Variants in HACD2 observed in about 807,000 individuals in gnomAD.
HACD2 encodes very-long-chain (3R)-3-hydroxyacyl-CoA dehydratase 2.
A neutral mutation model predicts 31.0 loss-of-function variants in HACD2; 15 were observed. The observed-to-expected ratio is 0.48, with a 90% CI of 0.32 to 0.75. The LOEUF is 0.75. Ranked by LOEUF, HACD2 falls within the 30% of genes least tolerant of loss-of-function variation. The pLI is 0.03. For synonymous variants in HACD2, 115 were observed against 122.2 expected (o/e 0.94, Z 0.39); for missense variants, 283 against 313.0 (o/e 0.90, Z 0.72).
intron 4 of HACD2, among the ~76,000 whole-genome samples, chr3:123,506,447 C>G (rs58340533): frequency 0.098 from 14,987 of 152,158 alleles, 1,049 homozygotes; most frequent in African/African-American, 0.21. Flanking sequence ...GGGTCTTGTT[C>G]TGTTACCCAG....
At chr3:123,520,535 G>C (rs1283603409) in intron 4 of HACD2, among the ~76,000 whole-genome samples, 1 of 152,210 alleles carries the variant, frequency 6.6e-6, no homozygotes, top group Non-Finnish European at 1.5e-5. Flanking sequence ...GAAGAATGCA[G>C]ATACACAGAA....
chr3:123,496,652 T>C lies in HACD2; in HGVS notation c.683-1682A>G, dbSNP rs575555733. On this transcript the variant is annotated intron_variant, in intron 6 of 6. Coordinates refer to ENST00000383657, the MANE Select transcript of HACD2 (RefSeq NM_198402.5). ...AAGCCAGAAAATCTGACAAGCTCTA[T>C]AATCTAAAAACTGGAAGTAAAGATA... Among the ~76,000 whole-genome samples, 57 of 152,366 alleles carry C rather than the reference T, an allele frequency of 3.7e-4. No homozygotes were observed. In the South Asian group the frequency reaches 7.5e-3, roughly 20 times the overall value.
chr3:123,563,942 G>C (rs948149705), intron 3 of HACD2, among the ~76,000 whole-genome samples: 4 of 152,156 alleles, frequency 2.6e-5, no homozygotes, highest in African/African-American at 4.8e-5. Flanking sequence ...AGATACATGG[G>C]AATCCAGATG....
intron 1 of HACD2, chr3:123,584,370 C>T (rs561967236): frequency 3.9e-5 from 6 of 152,748 alleles, no homozygotes; most frequent in African/African-American, 1.4e-4. Context: ...GCTCATGTCG[C>T]TGGCCAAAAA....
In HACD2 at chr3:123,557,011, T is replaced by A. The variant is rs111957716; in HGVS notation, c.292+10751A>T. Among the ~76,000 whole-genome samples, 1,399 of 152,330 alleles carry A rather than the reference T, an allele frequency of 9.2e-3. 17 individuals are homozygous for A. The highest frequency in any genetic ancestry group is 0.031 in the African/African-American group (1,309 of 41,576). On this transcript the variant is annotated intron_variant, in intron 3 of 6. Coordinates refer to ENST00000383657, the MANE Select transcript of HACD2 (RefSeq NM_198402.5). ...TGTAAAGGGAATAAAAAGACAAGCC[T>A]CAGACCAGGAGAAAATATTTGCAAA... is the stretch of plus-strand genomic sequence containing the variant.
At chr3:123,581,071 C>T (rs936444472) in intron 2 of HACD2, among the ~76,000 whole-genome samples, 4 of 152,064 alleles carry the variant, frequency 2.6e-5, no homozygotes, top group African/African-American at 9.7e-5. Flanking sequence ...CCACCCGCCT[C>T]GGCCTCCCAG....
chr3:123,501,396 A>G (rs1318177661), intron 5 of HACD2, among the ~76,000 whole-genome samples: 1 of 152,362 alleles, frequency 6.6e-6, no homozygotes, highest in East Asian at 1.9e-4. Context: ...TGTCCCATGG[A>G]ACTGTAAGCC....
intron 3 of HACD2, among the ~76,000 whole-genome samples, chr3:123,561,168 A>C (rs1235922117): frequency 2.0e-5 from 3 of 152,030 alleles, no homozygotes; most frequent in Non-Finnish European, 4.4e-5. Context: ...TGGTAGGAAG[A>C]GGGGTGGGTC....
At chr3:123,543,113 C>T (rs545487913) in intron 3 of HACD2, among the ~76,000 whole-genome samples, 1 of 152,230 alleles carries the variant, frequency 6.6e-6, no homozygotes, top group South Asian at 2.1e-4. Flanking sequence ...AAACACTAGC[C>T]CTCATTCCGT....
At chr3:123,523,786 A>G (rs1057072726) in intron 4 of HACD2, among the ~76,000 whole-genome samples, 1 of 152,208 alleles carries the variant, frequency 6.6e-6, no homozygotes, top group Non-Finnish European at 1.5e-5. Context: ...TCTGGCCCAC[A>G]GCATGAAGCA....
intron 2 of HACD2, among the ~76,000 whole-genome samples, chr3:123,570,135 C>T (rs539360197): frequency 6.6e-6 from 1 of 151,292 alleles, no homozygotes; most frequent in South Asian, 2.1e-4. Flanking sequence ...TCTCAGTCCT[C>T]AGATGCACTC....
chr3:123,552,051 T>C (rs748408901), intron 3 of HACD2, among the ~76,000 whole-genome samples: 1 of 152,124 alleles, frequency 6.6e-6, no homozygotes, highest in Non-Finnish European at 1.5e-5. Flanking sequence ...CTGCAAATCT[T>C]TGTGGAAAGT....
intron 3 of HACD2, among the ~76,000 whole-genome samples, chr3:123,567,238 C>T (rs2056801705): frequency 2.6e-5 from 4 of 152,188 alleles, no homozygotes; most frequent in Admixed American, 6.5e-5. Flanking sequence ...CTCGCCCCTC[C>T]CCACAAAAAG....
chr3:123,532,740 G>T (rs894791944), intron 3 of HACD2, among the ~76,000 whole-genome samples: 2 of 151,058 alleles, frequency 1.3e-5, no homozygotes, highest in African/African-American at 4.9e-5. Flanking sequence ...GGAGGCTGAG[G>T]CAGGAGATCT....
At chr3:123,573,557 A>G (rs946315252) in intron 2 of HACD2, among the ~76,000 whole-genome samples, 13 of 152,224 alleles carry the variant, frequency 8.5e-5, no homozygotes, top group Non-Finnish European at 1.9e-4. Context: ...TGCTCAGGAC[A>G]GGGTGAGTGG....
chr3:123,495,550 A>G (rs2055822235), intron 6 of HACD2, among the ~76,000 whole-genome samples: 1 of 151,534 alleles, frequency 6.6e-6, no homozygotes, highest in African/African-American at 2.4e-5. Flanking sequence ...AGGAGGAGGA[A>G]TGCCACAACA....
intron 3 of HACD2, among the ~76,000 whole-genome samples, chr3:123,538,847 A>G (rs1394379649): frequency 6.6e-6 from 1 of 152,198 alleles, no homozygotes; most frequent in Non-Finnish European, 1.5e-5. Flanking sequence ...ATTTTAATAT[A>G]GTTCCTAAAT....
At chr3:123,564,932 TCA>T (rs1341146405) in intron 3 of HACD2, among the ~76,000 whole-genome samples, 1 of 152,010 alleles carries the variant, frequency 6.6e-6, no homozygotes, top group African/African-American at 2.4e-5. Flanking sequence ...CTCGAGGAGC[TCA>T]GAGTCTGAGG....
At chr3:123,522,579 T>C (rs938333113) in intron 4 of HACD2, among the ~76,000 whole-genome samples, 1 of 151,552 alleles carries the variant, frequency 6.6e-6, no homozygotes, top group Non-Finnish European at 1.5e-5. Flanking sequence ...AATCTTTAAG[T>C]GAAAATGCCA....
Sources: gnomAD v4.1 joint callset for allele counts (sites outside exome capture counted in the v4.1 genomes callset) on GRCh38, gnomAD v4.1.1 for gene constraint, MANE v1.5 for transcripts, NCBI Gene and HGNC (gene_info 2026-07-23, HGNC 2026-07-21) for gene names.